Variants in PALS2 observed in about 807,000 individuals in gnomAD.
PALS2 encodes protein PALS2.
In PALS2, 27 loss-of-function variants were observed where a neutral mutation model predicts 61.6. The observed-to-expected ratio is 0.44, with a 90% CI of 0.32 to 0.60. The LOEUF (loss-of-function observed/expected upper bound fraction) is 0.60, where lower values mean the gene tolerates loss of function less well. PALS2 is among the 20% of genes least tolerant of loss of function. The pLI, the probability that PALS2 is intolerant of heterozygous loss-of-function variation, is 0.05. For synonymous variants in PALS2, 236 were observed against 218.6 expected (o/e 1.08, Z -0.70); for missense variants, 554 against 639.4 (o/e 0.87, Z 1.44).
chr7:24,624,605 C>CT lies in PALS2; in HGVS notation c.117+840dup, dbSNP rs368160704. On this transcript the variant is annotated intron_variant, in intron 2 of 11. Coordinates refer to ENST00000222644, the MANE Select transcript of PALS2 (RefSeq NM_001303037.2). ...GAGTGAATTAATGATGCAGATTCTT[C>CT]TTTTTTTTTTTTTTTTTTTGAGAGG... 9.1e-3 allele frequency among the ~76,000 whole-genome samples: 783 copies of CT among 86,378 alleles called. 5 individuals are homozygous for CT. The highest frequency in any genetic ancestry group is 0.014 in the South Asian group (32 of 2,326). 56.7% of individuals were successfully genotyped at this position (86,378 alleles called of 152,430 possible). A position where few individuals can be genotyped will look rare whatever the true frequency, so the allele number is the denominator to read the frequency against.
At chr7:24,623,826 TTA>T in intron 2 of PALS2, 42 bp downstream of exon 2, 1 of 1,375,308 alleles carries the variant, frequency 7.3e-7, no homozygotes, top group African/African-American at 1.5e-5. Flanking sequence ...TATTTTGGAC[TTA>T]GTTTTTATAG....
At chr7:24,616,818 ATG>A (rs1208013146) in intron 1 of PALS2, among the ~76,000 whole-genome samples, 1 of 151,980 alleles carries the variant, frequency 6.6e-6, no homozygotes, top group East Asian at 1.9e-4. Context: ...CTATGACTTG[ATG>A]CTTTTCTTTT....
chr7:24,676,262 A>C lies in PALS2; in HGVS notation c.1115-2869A>C, dbSNP rs1465106580. Among the ~76,000 whole-genome samples the C allele has an allele frequency of 3.3e-5, 5 of 151,746 alleles. No homozygotes were observed. The South Asian group carries it at 8.3e-4, about 25-fold the overall frequency. ...GTAAATTTGTTTGAGTTCATTGTAGATTCTGGATATTAGCCCTTTGTCAGA... is the reference window on the plus strand; with the variant it reads ...GTAAATTTGTTTGAGTTCATTGTAGCTTCTGGATATTAGCCCTTTGTCAGA... On this transcript the variant is annotated intron_variant, in intron 9 of 11. Transcript: ENST00000222644.
chr7:24,602,450 C>T (rs1783754448), intron 1 of PALS2, among the ~76,000 whole-genome samples: 1 of 152,040 alleles, frequency 6.6e-6, no homozygotes, highest in Non-Finnish European at 1.5e-5. Flanking sequence ...TAGTTTGTAG[C>T]TGGGTTATTT....
At position 24,689,589 on chromosome 7, in the gene PALS2, T is replaced by G. The variant is rs951654216; in HGVS notation, c.*1975T>G. 2 of 151,062 alleles carry G rather than the reference T, an allele frequency of 1.3e-5. No individual in the cohort carries two copies. Among genetic ancestry groups the G allele is most frequent in the Non-Finnish European group, 3.0e-5 (2 of 67,748 alleles). 9.4% of individuals were successfully genotyped at this position (151,062 alleles called of 1,614,324 possible). ...AATCTATAGGTTTTTCTTTTTTTTT[T>G]TTTTTTTCTTTTTTTGATTCTAGAT... On this transcript the variant is annotated 3_prime_UTR_variant, in exon 12 of 12. Transcript: ENST00000222644.
intron 9 of PALS2, among the ~76,000 whole-genome samples, chr7:24,672,445 G>A (rs1787347400): frequency 6.6e-6 from 1 of 151,910 alleles, no homozygotes; most frequent in South Asian, 2.1e-4. Context: ...TGGCCAGGCT[G>A]GTTTCGAACT....
At chr7:24,672,432 T>C (rs1787347008) in intron 9 of PALS2, among the ~76,000 whole-genome samples, 1 of 151,998 alleles carries the variant, frequency 6.6e-6, no homozygotes, top group Admixed American at 6.6e-5. Context: ...GCTTTCACCA[T>C]GTTGGCCAGG....
chr7:24,587,216 T>C (rs564443921), intron 1 of PALS2, among the ~76,000 whole-genome samples: 1 of 152,152 alleles, frequency 6.6e-6, no homozygotes, highest in Admixed American at 6.5e-5. Flanking sequence ...GTTAAAAACA[T>C]TGGAAGGACG....
At chr7:24,684,487 T>C (rs186530531) in intron 11 of PALS2, among the ~76,000 whole-genome samples, 87 of 152,332 alleles carry the variant, frequency 5.7e-4, no homozygotes, top group African/African-American at 2.0e-3. Flanking sequence ...CTTTCTGATA[T>C]GACAAGATGT....
chr7:24,654,654 G>A (rs1208298353), intron 5 of PALS2, among the ~76,000 whole-genome samples: 2 of 152,156 alleles, frequency 1.3e-5, no homozygotes, highest in Non-Finnish European at 2.9e-5. Context: ...ATATTGTGAA[G>A]ATGTTGATTT....
intron 3 of PALS2, among the ~76,000 whole-genome samples, chr7:24,646,398 T>C (rs928632471): frequency 9.9e-5 from 15 of 152,212 alleles, no homozygotes; most frequent in African/African-American, 3.6e-4. Context: ...TTTTCTGCTC[T>C]ATTGAGGTAA....
At chr7:24,657,971 A>T (rs960284020) in intron 5 of PALS2, among the ~76,000 whole-genome samples, 1 of 151,968 alleles carries the variant, frequency 6.6e-6, no homozygotes, top group Non-Finnish European at 1.5e-5. Flanking sequence ...TCTTTCATCA[A>T]ATTTAGAAAA....
intron 1 of PALS2, among the ~76,000 whole-genome samples, chr7:24,619,003 T>C (rs1784394391): frequency 6.6e-6 from 1 of 152,264 alleles, no homozygotes; most frequent in Non-Finnish European, 1.5e-5. Flanking sequence ...TCTATTTAAT[T>C]GGTCACTTGA....
At chr7:24,578,530 A>G (rs1782723300) in intron 1 of PALS2, among the ~76,000 whole-genome samples, 1 of 152,232 alleles carries the variant, frequency 6.6e-6, no homozygotes, top group Non-Finnish European at 1.5e-5. Flanking sequence ...CAGTGCCTGC[A>G]GGGCACATCA....
At chr7:24,576,274 G>A (rs1377804334) in intron 1 of PALS2, among the ~76,000 whole-genome samples, 1 of 152,048 alleles carries the variant, frequency 6.6e-6, no homozygotes, top group African/African-American at 2.4e-5. Context: ...GACCAGTTTT[G>A]TTTAGTCTTC....
chr7:24,612,715 A>G (rs980734386), intron 1 of PALS2, among the ~76,000 whole-genome samples: 4 of 151,870 alleles, frequency 2.6e-5, no homozygotes, highest in Non-Finnish European at 5.9e-5. Flanking sequence ...CCAAACTCTC[A>G]TAAATAACTT....
At chr7:24,634,125 G>A (rs897444087) in intron 2 of PALS2, among the ~76,000 whole-genome samples, 2 of 146,788 alleles carry the variant, frequency 1.4e-5, no homozygotes, top group African/African-American at 4.9e-5. Context: ...CTGGGTACAA[G>A]TCTTTTATGA....
At chr7:24,626,886 C>G (rs1784770440) in intron 2 of PALS2, among the ~76,000 whole-genome samples, 1 of 152,108 alleles carries the variant, frequency 6.6e-6, no homozygotes. Flanking sequence ...TTCTTAGAGA[C>G]CTACAGAGAC....
chr7:24,675,809 G>C (rs572844806), intron 9 of PALS2, among the ~76,000 whole-genome samples: 16 of 121,702 alleles, frequency 1.3e-4, no homozygotes, highest in African/African-American at 6.2e-4. Flanking sequence ...CATTTGGATT[G>C]GTTCCAAGTC....
Sources: allele counts gnomAD v4.1 joint callset (sites outside exome capture counted in the v4.1 genomes callset), GRCh38; gene constraint gnomAD v4.1.1; transcripts MANE v1.5; gene names NCBI Gene and HGNC (gene_info 2026-07-23, HGNC 2026-07-21).